MAPK10: variants seen among roughly 807,000 people sequenced by gnomAD.
The protein encoded by MAPK10 is JNK3 alpha protein kinase.
Under a neutral mutation model 59.3 loss-of-function variants are expected in MAPK10, and 25 were observed. The ratio of observed to expected loss-of-function variants is 0.42; its 90% CI spans 0.31 to 0.59. The LOEUF (loss-of-function observed/expected upper bound fraction) is 0.59, where lower values mean the gene tolerates loss of function less well. Among genes scored for constraint, MAPK10 ranks in the 20% least tolerant of loss-of-function variants. The probability of loss-of-function intolerance (pLI) is 0.15; values close to 1 mark genes in which losing one functional copy is unlikely to be tolerated. For synonymous variants in MAPK10, 190 were observed against 200.5 expected, an observed-to-expected ratio of 0.95 and a Z score of 0.44; for missense variants, 351 against 568.9, an observed-to-expected ratio of 0.62 and a Z score of 3.90.
intron 2 of MAPK10, among the ~76,000 whole-genome samples, chr4:86,246,789 G>A (rs2093123024): frequency 6.6e-6 from 1 of 152,162 alleles, no homozygotes; most frequent in Non-Finnish European, 1.5e-5. Context: ...ACTAGAGTCT[G>A]CTGGTCACCA....
intron 2 of MAPK10, chr4:86,268,676 C>T (rs2094335478): frequency 6.6e-6 from 1 of 152,090 alleles, no homozygotes; most frequent in African/African-American, 2.4e-5. Flanking sequence ...ATACTCTTTC[C>T]CCAGATTTTC....
At chr4:86,196,918 T>C (rs1361429381) in intron 2 of MAPK10, among the ~76,000 whole-genome samples, 1 of 152,184 alleles carries the variant, frequency 6.6e-6, no homozygotes, top group Non-Finnish European at 1.5e-5. Flanking sequence ...CATTGGTCTA[T>C]ATATTTGTTT....
intron 2 of MAPK10, among the ~76,000 whole-genome samples, chr4:86,285,308 C>T (rs1190960821): frequency 6.7e-6 from 1 of 149,578 alleles, no homozygotes; most frequent in Non-Finnish European, 1.5e-5. Context: ...ACCTCTGCCT[C>T]CCGGGTTCAA....
chr4:86,064,518 G>A, intron 10 of MAPK10, 128 bp from the exon 11 acceptor site: 2 of 840,626 alleles, frequency 2.4e-6, no homozygotes, highest in Non-Finnish European at 3.7e-6. Context: ...TAAATCCCTT[G>A]ATGTGATGGA....
intron 1 of MAPK10, among the ~76,000 whole-genome samples, chr4:86,550,730 TACAC>T (rs963185076): frequency 6.6e-6 from 1 of 152,046 alleles, no homozygotes; most frequent in African/African-American, 2.4e-5. Flanking sequence ...AAATACAAAA[TACAC>T]ACACACAAAA....
chr4:86,025,788 A>G (rs1014093900), intron 13 of MAPK10, among the ~76,000 whole-genome samples: 4 of 152,326 alleles, frequency 2.6e-5, no homozygotes, highest in Non-Finnish European at 5.9e-5. Flanking sequence ...TTTCTCAGCT[A>G]CAAGTTATTC....
intron 2 of MAPK10, among the ~76,000 whole-genome samples, chr4:86,256,734 CTTTTTT>C (rs767737802): frequency 1.7e-5 from 1 of 59,638 alleles, no homozygotes; most frequent in Non-Finnish European, 2.8e-5. Context: ...TTCTTTCTTT[CTTTTTT>C]TTTTTTTTTT....
chr4:86,203,914 C>A (rs1003008868), intron 2 of MAPK10, among the ~76,000 whole-genome samples: 2 of 151,762 alleles, frequency 1.3e-5, no homozygotes, highest in South Asian at 4.1e-4. Flanking sequence ...CTTTAACATA[C>A]TGTCAAATTC....
At chr4:86,288,012 A>G (rs1332045140) in intron 2 of MAPK10, among the ~76,000 whole-genome samples, 1 of 152,156 alleles carries the variant, frequency 6.6e-6, no homozygotes, top group East Asian at 1.9e-4. Flanking sequence ...CATATGGAAA[A>G]TGGTATGGTG....
intron 2 of MAPK10, chr4:86,340,327 T>C (rs1453504825): frequency 6.5e-6 from 1 of 153,048 alleles, no homozygotes; most frequent in African/African-American, 2.4e-5. Flanking sequence ...AAAAGAGGTT[T>C]AATTGACTCA....
intron 1 of MAPK10, among the ~76,000 whole-genome samples, chr4:86,523,031 A>G (rs1007128244): frequency 6.6e-6 from 1 of 152,248 alleles, no homozygotes; most frequent in Non-Finnish European, 1.5e-5. Context: ...GTCCTTTTGC[A>G]ACATAAGTTC....
intron 2 of MAPK10, among the ~76,000 whole-genome samples, chr4:86,354,133 A>G (rs1284046154): frequency 1.3e-5 from 2 of 151,994 alleles, no homozygotes; most frequent in African/African-American, 2.4e-5. Flanking sequence ...TTCCTGAAAG[A>G]AAACCATAAT....
At chr4:86,339,078 A>T (rs894385894) in intron 2 of MAPK10, among the ~76,000 whole-genome samples, 2 of 152,204 alleles carry the variant, frequency 1.3e-5, no homozygotes, top group Admixed American at 1.3e-4. Flanking sequence ...CTTAGGAATC[A>T]CACTCTGCAG....
chr4:86,501,972 AAATT>A (rs1380208730), intron 1 of MAPK10, among the ~76,000 whole-genome samples: 1 of 152,106 alleles, frequency 6.6e-6, no homozygotes, highest in African/African-American at 2.4e-5. Flanking sequence ...ACTATTATGG[AAATT>A]AATTAATCCC....
At chr4:86,358,155 T>C (rs756687829) in intron 1 of MAPK10, 8 of 984,272 alleles carry the variant, frequency 8.1e-6, no homozygotes, top group Non-Finnish European at 9.7e-6. Context: ...AGTCAGAAGC[T>C]TGTGATATAC....
intron 1 of MAPK10, among the ~76,000 whole-genome samples, chr4:86,523,869 G>A (rs1182717599): frequency 6.6e-6 from 1 of 152,128 alleles, no homozygotes; most frequent in African/African-American, 2.4e-5. Flanking sequence ...ATCTACGCTT[G>A]GCTTAGATGT....
intron 2 of MAPK10, among the ~76,000 whole-genome samples, chr4:86,292,974 G>T (rs1052326485): frequency 6.6e-6 from 1 of 152,156 alleles, no homozygotes; most frequent in African/African-American, 2.4e-5. Flanking sequence ...GTCACCATAA[G>T]ATGTTTTGTC....
chr4:86,039,588 T>C (rs10034271), intron 11 of MAPK10, among the ~76,000 whole-genome samples: 20,463 of 152,100 alleles, frequency 0.13, 1,621 homozygotes, highest in African/African-American at 0.2. Flanking sequence ...CTGCCAGGTC[T>C]ACCTTAGCAG....
intron 13 of MAPK10, among the ~76,000 whole-genome samples, chr4:86,022,983 T>C (rs1748107258): frequency 1.3e-5 from 2 of 152,264 alleles, no homozygotes. Flanking sequence ...TTATCACTTG[T>C]GTTTTAGTGT....
Sources: allele counts gnomAD v4.1 joint callset (sites outside exome capture counted in the v4.1 genomes callset), GRCh38; gene constraint gnomAD v4.1.1; transcripts MANE v1.5; gene names NCBI Gene and HGNC (gene_info 2026-07-23, HGNC 2026-07-21).